MCTS1: variants seen among roughly 807,000 people sequenced by gnomAD.
MCTS1 encodes the protein MCTS1 re-initiation and release factor.
For synonymous variants in MCTS1, 26 were observed against 40.8 expected, an observed-to-expected ratio of 0.64 and a Z score of 1.38; for missense variants, 55 against 128.6, an observed-to-expected ratio of 0.43 and a Z score of 2.77.
intron 5 of MCTS1, 154 bp downstream of exon 5, chrX:120,611,232 A>AAAT: frequency 2.2e-6 from 1 of 460,353 alleles, no homozygotes; most frequent in African/African-American, 2.4e-5. Flanking sequence ...AACACTTAGG[A>AAAT]AGCCAATGAA....
chrX:120,609,109 A>C (rs1377177260), intron 4 of MCTS1, among the ~76,000 whole-genome samples: 1 of 111,925 alleles, frequency 8.9e-6, no homozygotes, highest in Non-Finnish European at 1.9e-5. Flanking sequence ...TCATAGCTAA[A>C]GTAGCCATTT....
At chrX:120,611,106 T>C (rs1250979647) in intron 5 of MCTS1, 28 bp downstream of exon 5, 1 of 1,183,092 alleles carries the variant, frequency 8.5e-7, no homozygotes, top group Non-Finnish European at 1.1e-6. Flanking sequence ...CCCCCTTAAC[T>C]TTTGATATAT....
At chrX:120,606,951 A>G (rs1424731075) in intron 3 of MCTS1, among the ~76,000 whole-genome samples, 1 of 111,915 alleles carries the variant, frequency 8.9e-6, no homozygotes, top group Non-Finnish European at 1.9e-5. Flanking sequence ...TTACGCAAAT[A>G]TGTATTTACA....
intron 3 of MCTS1, among the ~76,000 whole-genome samples, chrX:120,607,330 G>A (rs1053651492): frequency 2.7e-5 from 3 of 111,707 alleles, no homozygotes; most frequent in Non-Finnish European, 5.6e-5. Context: ...GTGTTGAGAA[G>A]ATTACAATTC....
rs369967130 is a variant in MCTS1, at chrX:120,604,261, G to A, written c.11+14G>A. 6 of 1,204,868 alleles carry A rather than the reference G, an allele frequency of 5.0e-6. No individual in the cohort carries two copies. The highest frequency in any genetic ancestry group is 3.4e-6 in the Non-Finnish European group (3 of 893,065). ...CATGTTCAAGAAGTAAGGACATGCT[G>A]TGGCCTCCATCGGCTGCTCACAAAG... On this transcript the variant is annotated intron_variant, in intron 1 of 5. Coordinates refer to ENST00000371317, the MANE Select transcript of MCTS1 (RefSeq NM_014060.3).
Position 120,612,677 on chromosome X carries a change from GTGTGTGTGTA to G in MCTS1, c.*423_*432del, listed in dbSNP as rs1313543457. 1.4e-5 allele frequency among the ~76,000 whole-genome samples: 1 copy of G among 69,863 alleles called. No homozygotes were observed. Among genetic ancestry groups the G allele is most frequent in the Non-Finnish European group, 2.6e-5 (1 of 38,621 alleles). 60.7% of individuals were successfully genotyped at this position (69,863 alleles called of 115,157 possible). On this transcript the variant is annotated 3_prime_UTR_variant, in exon 6 of 6. Transcript: ENST00000371317. Reference sequence around the variant, plus strand: ...CTCATTCTCGTGTGTGTGTGTGTGTGTGTGTGTGTATGTGTGTGTGTGTGTGTGTGTGTGT... The same window carrying G: ...CTCATTCTCGTGTGTGTGTGTGTGTGTGTGTGTGTGTGTGTGTGTGTGTGT...
chrX:120,611,751 C>A (rs1038927469), intron 5 of MCTS1, among the ~76,000 whole-genome samples: 1 of 112,200 alleles, frequency 8.9e-6, no homozygotes. Flanking sequence ...AGTGATATAT[C>A]TCACCACCAC....
chrX:120,607,180 C>T (rs985197712), intron 3 of MCTS1, among the ~76,000 whole-genome samples: 4 of 110,336 alleles, frequency 3.6e-5, no homozygotes, highest in Non-Finnish European at 7.6e-5. Flanking sequence ...TGTTGTGGTG[C>T]CTGTATCCCC....
rs1180547895 is a variant in MCTS1, at chrX:120,617,008, CAG to C, written c.*4746_*4747del. ...AAGGTAGGAAAAGGTGTGCAACTAA[CAG>C]AAGCAGTTAACCAAAAAATGAGCTT... On this transcript the variant is annotated 3_prime_UTR_variant, in exon 6 of 6. Coordinates refer to ENST00000371317, the MANE Select transcript of MCTS1 (RefSeq NM_014060.3). Among the ~76,000 whole-genome samples, 3 of 112,212 alleles carry C rather than the reference CAG, an allele frequency of 2.7e-5. No individual in the cohort carries two copies. The highest frequency in any genetic ancestry group is 5.6e-5 in the Non-Finnish European group (3 of 53,271).
Position 120,605,419 on chromosome X carries a change from A to C in MCTS1, c.24A>C (p.Lys8Asn). 1 of 1,166,509 alleles carries C rather than the reference A, an allele frequency of 8.6e-7. No homozygotes were observed. The highest frequency in any genetic ancestry group is 1.1e-6 in the Non-Finnish European group (1 of 879,698). MFKKFDE[K>N]ENVSNCIQLK... ...AATTACTTGGCAGATTTGATGAAAAAGAAAATGTGTCCAACTGCATCCAGT... is the reference window on the plus strand; with the variant it reads ...AATTACTTGGCAGATTTGATGAAAACGAAAATGTGTCCAACTGCATCCAGT... The change falls in exon 2 of 6, where the codon AAA becomes AAC. Residue 8 changes from lysine (K) to asparagine (N), a missense_variant. Transcript: ENST00000371317.
intron 4 of MCTS1, among the ~76,000 whole-genome samples, chrX:120,609,506 G>T (rs773120601): frequency 2.8e-5 from 3 of 108,936 alleles, no homozygotes; most frequent in Non-Finnish European, 5.8e-5. Context: ...AGAAGAATAA[G>T]AAAAAAAAAT....
At chrX:120,604,483 C>T (rs936710201) in intron 1 of MCTS1, 4 of 529,861 alleles carry the variant, frequency 7.5e-6, no homozygotes, top group Non-Finnish European at 1.2e-5. Flanking sequence ...TCTCCTTACC[C>T]CTCTTTCTCT....
Position 120,616,619 on chromosome X carries a change from C to G in MCTS1, c.*4355C>G, listed in dbSNP as rs1926862457. Among the ~76,000 whole-genome samples, 1 of 111,670 alleles carries G rather than the reference C, an allele frequency of 9.0e-6. No individual in the cohort carries two copies. The highest frequency in any genetic ancestry group is 1.9e-5 in the Non-Finnish European group (1 of 53,121). On this transcript the variant is annotated 3_prime_UTR_variant, in exon 6 of 6. Transcript: ENST00000371317. ...TATAATTTATGCATGTAAAAAAATA[C>G]AGGAGATGATTCACTGGAATGTCTC...
In MCTS1 at chrX:120,619,845, G is replaced by A. The variant is rs1926965014; in HGVS notation, c.*7581G>A. On this transcript the variant is annotated 3_prime_UTR_variant, in exon 6 of 6. Transcript: ENST00000371317. Reference sequence around the variant, plus strand: ...GAAATTGAACTCAGTCCTGAGGTCTGATTTTCCTATTATTAGTCACTTTCA... The same window carrying A: ...GAAATTGAACTCAGTCCTGAGGTCTAATTTTCCTATTATTAGTCACTTTCA... Among the ~76,000 whole-genome samples, 2 of 111,872 alleles carry A rather than the reference G, an allele frequency of 1.8e-5. No individual in the cohort carries two copies. The highest frequency in any genetic ancestry group is 1.9e-4 in the Admixed American group (2 of 10,505).
chrX:120,608,127 C>T, intron 3 of MCTS1, 98 bp from the exon 4 acceptor site: 1 of 618,601 alleles, frequency 1.6e-6, no homozygotes, highest in Non-Finnish European at 2.3e-6. Flanking sequence ...TCTTTTGTAT[C>T]TGTCAGATTA....
rs1200869061 is a variant in MCTS1, at chrX:120,618,641, A to G, written c.*6377A>G. Among the ~76,000 whole-genome samples, 1 of 112,533 alleles carries G rather than the reference A, an allele frequency of 8.9e-6. No homozygotes were observed. ...GCAATCTCTAACCCATCAAATTAAT[A>G]TCTACTAAATAGCTTCCAAAAAGCA... On this transcript the variant is annotated 3_prime_UTR_variant, in exon 6 of 6. Transcript: ENST00000371317.
At chrX:120,610,295 C>T (rs190815156) in intron 4 of MCTS1, among the ~76,000 whole-genome samples, 14 of 105,824 alleles carry the variant, frequency 1.3e-4, no homozygotes, top group East Asian at 3.4e-4. Context: ...GCACTCCAGC[C>T]GGGTGACAAA....
Position 120,609,323 on chromosome X carries a change from C to T in MCTS1, c.396+965C>T, listed in dbSNP as rs374636680. Among the ~76,000 whole-genome samples the T allele has an allele frequency of 4.5e-5, 5 of 111,004 alleles. No individual in the cohort carries two copies. The East Asian group carries it at 1.1e-3, about 25-fold the overall frequency. ...TCAGCCCCTCGAGTAGCTGAGGTTA[C>T]AGGCACCCACTACCACGCCCGGCTC... On this transcript the variant is annotated intron_variant, in intron 4 of 5. Transcript: ENST00000371317.
At position 120,616,495 on chromosome X, in the gene MCTS1, C is replaced by T. The variant is rs1448045343; in HGVS notation, c.*4231C>T. ...AACCAAGTAAAGGACCACAACTCCA[C>T]GAGATCAGGAATGAATGAAGAAAAT... On this transcript the variant is annotated 3_prime_UTR_variant, in exon 6 of 6. Coordinates refer to ENST00000371317, the MANE Select transcript of MCTS1 (RefSeq NM_014060.3). 1.8e-5 allele frequency among the ~76,000 whole-genome samples: 2 copies of T among 111,402 alleles called. No individual in the cohort carries two copies. Among genetic ancestry groups the T allele is most frequent in the African/African-American group, 6.5e-5 (2 of 30,713 alleles).
Sources: gnomAD v4.1 joint callset for allele counts (sites outside exome capture counted in the v4.1 genomes callset) on GRCh38, gnomAD v4.1.1 for gene constraint, MANE v1.5 for transcripts, NCBI Gene and HGNC (gene_info 2026-07-23, HGNC 2026-07-21) for gene names.